Variants in QTMAN observed in about 807,000 individuals in gnomAD.
QTMAN encodes tRNA-queuosine alpha-mannosyltransferase.
the QTMAN span, among the ~76,000 whole-genome samples, chr2:144,233,606 GT>G: frequency 1.3e-5 from 2 of 152,154 alleles, no homozygotes; most frequent in Non-Finnish European, 2.9e-5. Flanking sequence ...GTGCCAGGCT[GT>G]TTTTCATTTT....
the QTMAN span, among the ~76,000 whole-genome samples, chr2:144,104,558 G>A: frequency 8.5e-5 from 13 of 152,186 alleles, no homozygotes; most frequent in Non-Finnish European, 1.9e-4. Flanking sequence ...TGAGGCTGGG[G>A]GAGGGGCGCC....
the QTMAN span, among the ~76,000 whole-genome samples, chr2:144,221,432 G>C: frequency 6.6e-6 from 1 of 152,044 alleles, no homozygotes; most frequent in African/African-American, 2.4e-5. Context: ...TTACACTATT[G>C]CATGACTGCA....
the QTMAN span, among the ~76,000 whole-genome samples, chr2:143,990,049 G>T: frequency 3.9e-5 from 6 of 152,074 alleles, no homozygotes; most frequent in Non-Finnish European, 5.9e-5. Flanking sequence ...CTCAGTGTGG[G>T]GGGCTTGCAC....
At chr2:144,047,359 C>G in the QTMAN span, among the ~76,000 whole-genome samples, 1 of 152,082 alleles carries the variant, frequency 6.6e-6, no homozygotes, top group Admixed American at 6.6e-5. Context: ...GGTAGAGACA[C>G]GGTAAGGCAT....
chr2:144,094,239 T>C, the QTMAN span, among the ~76,000 whole-genome samples: 1 of 152,182 alleles, frequency 6.6e-6, no homozygotes, highest in Non-Finnish European at 1.5e-5. Context: ...TACTTTTTGA[T>C]CAATAATCAA....
the QTMAN span, among the ~76,000 whole-genome samples, chr2:144,037,456 G>C: frequency 3.9e-5 from 6 of 152,302 alleles, no homozygotes; most frequent in East Asian, 1.2e-3. Context: ...CCAGACTTGG[G>C]AGGAGGGATG....
the QTMAN span, among the ~76,000 whole-genome samples, chr2:144,024,303 T>TACA: frequency 6.6e-6 from 1 of 152,232 alleles, no homozygotes; most frequent in Admixed American, 6.5e-5. Flanking sequence ...TCAACTCTGT[T>TACA]GTCTAGCAGG....
the QTMAN span, among the ~76,000 whole-genome samples, chr2:144,263,782 T>C: frequency 6.6e-6 from 1 of 152,160 alleles, no homozygotes; most frequent in East Asian, 1.9e-4. Context: ...CTTTAAAATT[T>C]TATTCTATTG....
the QTMAN span, among the ~76,000 whole-genome samples, chr2:144,053,972 G>T: frequency 6.6e-6 from 1 of 152,140 alleles, no homozygotes; most frequent in African/African-American, 2.4e-5. Context: ...CAGATCATGA[G>T]GTCAGGAGAT....
the QTMAN span, among the ~76,000 whole-genome samples, chr2:144,278,605 C>T: frequency 6.6e-6 from 1 of 150,924 alleles, no homozygotes; most frequent in Non-Finnish European, 1.5e-5. Context: ...ATGCACACCT[C>T]GTGACTTCTG....
At chr2:144,300,680 T>C in the QTMAN span, among the ~76,000 whole-genome samples, 1 of 152,314 alleles carries the variant, frequency 6.6e-6, no homozygotes, top group East Asian at 1.9e-4. Flanking sequence ...CGAACTGTTC[T>C]GTATTTTTCA....
At chr2:144,147,054 T>A in the QTMAN span, among the ~76,000 whole-genome samples, 1 of 151,910 alleles carries the variant, frequency 6.6e-6, no homozygotes, top group African/African-American at 2.4e-5. Flanking sequence ...CCTCCCTTGC[T>A]GACAAGCCAA....
chr2:143,977,473 A>C, the QTMAN span, among the ~76,000 whole-genome samples: 1 of 152,200 alleles, frequency 6.6e-6, no homozygotes, highest in African/African-American at 2.4e-5. Context: ...CTGGAGAAAG[A>C]AGCACGACTC....
the QTMAN span, among the ~76,000 whole-genome samples, chr2:144,136,459 G>C: frequency 7.9e-6 from 1 of 127,118 alleles, no homozygotes; most frequent in East Asian, 2.1e-4. Flanking sequence ...GGAGAAAGGA[G>C]GAAGGAGAAA....
chr2:144,231,106 TCAAA>T, the QTMAN span, among the ~76,000 whole-genome samples: 1 of 152,012 alleles, frequency 6.6e-6, no homozygotes, highest in African/African-American at 2.4e-5. Context: ...AGAGGAAAAA[TCAAA>T]CAACTGAATT....
chr2:144,197,655 AAT>A, the QTMAN span, among the ~76,000 whole-genome samples: 4 of 152,290 alleles, frequency 2.6e-5, no homozygotes, highest in East Asian at 7.7e-4. Flanking sequence ...GTTCCAGACA[AAT>A]TTCTTAACTA....
the QTMAN span, among the ~76,000 whole-genome samples, chr2:144,308,721 T>C: frequency 2.6e-5 from 4 of 152,066 alleles, no homozygotes; most frequent in Non-Finnish European, 1.5e-5. Flanking sequence ...ATCCCAGTCC[T>C]GACTGGGCAA....
the QTMAN span, among the ~76,000 whole-genome samples, chr2:144,329,617 T>C: frequency 6.6e-6 from 1 of 152,252 alleles, no homozygotes; most frequent in South Asian, 2.1e-4. Context: ...ACTAAAATAA[T>C]GTTCTTTCCC....
the QTMAN span, among the ~76,000 whole-genome samples, chr2:143,992,135 G>A: frequency 3.9e-5 from 6 of 151,988 alleles, no homozygotes; most frequent in East Asian, 1.9e-4. Context: ...GATGGTTGCC[G>A]TGTCTGTGTG....
Sources: allele counts gnomAD v4.1 joint callset (sites outside exome capture counted in the v4.1 genomes callset), GRCh38; gene constraint gnomAD v4.1.1; transcripts MANE v1.5; gene names NCBI Gene and HGNC (gene_info 2026-07-23, HGNC 2026-07-21).